The following ELSPBP1 variants were observed in gnomAD, a reference collection of about 807,000 sequenced individuals.
The protein encoded by ELSPBP1 is epididymal sperm binding protein 1.
ELSPBP1 carries 38 observed loss-of-function variants against 33.3 expected under a neutral mutation model. The observed-to-expected ratio is 1.14, with a 90% confidence interval of 0.88 to 1.50. The LOEUF is 1.50. ELSPBP1 is among the 40% of genes most tolerant of loss of function. The pLI, the probability that ELSPBP1 is intolerant of heterozygous loss-of-function variation, is 0.00. For synonymous variants in ELSPBP1, 85 were observed against 94.1 expected (o/e 0.90, Z 0.56); for missense variants, 267 against 263.5 (o/e 1.01, Z -0.09).
At position 48,022,181 on chromosome 19, in the gene ELSPBP1, T is replaced by A. The variant is rs1967208133; in HGVS notation, c.526T>A (p.Leu176Met). 1 of 1,612,166 alleles carries A rather than the reference T, an allele frequency of 6.2e-7. No homozygotes were observed. Among genetic ancestry groups the A allele is most frequent in the Non-Finnish European group, 8.5e-7 (1 of 1,179,224 alleles). The change falls in exon 6 of 7, where the codon TTG becomes ATG. Residue 176 changes from leucine to methionine, a missense_variant. Physicochemically the swap from Leu to Met is conservative, Grantham distance 15 (BLOSUM62 2). Transcript: ENST00000339841. ...CTTCTGCTTCCTAGGAATTTCCGCG[T>A]TGGTCCCTGGCTTTCCTTGTCACTT... The part of the protein sequence containing the change: ...SFCADTRISA[L>M]VPGFPCHFPF...
intron 2 of ELSPBP1, among the ~76,000 whole-genome samples, chr19:48,013,515 G>A (rs1407504607): frequency 6.6e-6 from 1 of 152,096 alleles, no homozygotes; most frequent in Admixed American, 6.6e-5. Flanking sequence ...TTAGGAGTTT[G>A]AGACCAGCCT....
chr19:48,006,057 C>A (rs141520997), intron 1 of ELSPBP1, among the ~76,000 whole-genome samples: 1 of 152,046 alleles, frequency 6.6e-6, no homozygotes, highest in African/African-American at 2.4e-5. Context: ...ACCTCCTGGG[C>A]TCCAGTGATC....
At chr19:47,997,752 A>G (rs1966924935) in intron 1 of ELSPBP1, among the ~76,000 whole-genome samples, 1 of 152,190 alleles carries the variant, frequency 6.6e-6, no homozygotes, top group Non-Finnish European at 1.5e-5. Context: ...TGATCAAATC[A>G]GGGTATTTAG....
At position 48,014,308 on chromosome 19, in the gene ELSPBP1, G is replaced by C. The variant is rs188923874; in HGVS notation, c.208G>C (p.Asp70His). The C allele has an allele frequency of 1.2e-6, 2 of 1,613,404 alleles. No homozygotes were observed. Among genetic ancestry groups the C allele is most frequent in the East Asian group, 4.5e-5 (2 of 44,884 alleles). ...NGQWKYCQSE[D>H]YPRCIFPFIY... is the part of the protein sequence containing the mutation. ...CCAGTGGAAGTACTGCCAGAGTGAA[G>C]GTGAGTGGTATCACATTGTCCCTGC... Residue 70 changes from aspartate (D) to histidine (H), a missense_variant and splice_region_variant, in exon 3 of 7, where the codon GAT becomes CAT. Transcript: ENST00000339841.
chr19:48,020,084 A>G (rs1357472271), intron 5 of ELSPBP1, among the ~76,000 whole-genome samples: 11 of 152,334 alleles, frequency 7.2e-5, no homozygotes, highest in African/African-American at 2.4e-4. Context: ...AAAGGTGCCA[A>G]AATGAAATGC....
At chr19:48,003,475 A>G (rs897150214) in intron 1 of ELSPBP1, among the ~76,000 whole-genome samples, 2 of 151,672 alleles carry the variant, frequency 1.3e-5, no homozygotes, top group Admixed American at 6.6e-5. Flanking sequence ...AAGGCACAGT[A>G]TGGACTAGGG....
At position 48,011,536 on chromosome 19, in the gene ELSPBP1, A is replaced by T. The variant is rs1164061977; in HGVS notation, c.71-2635A>T. ...ACAATGATGATGACAATGACTGATA[A>T]TGATGACAATGATGATGATGACAAT... On this transcript the variant is annotated intron_variant, in intron 2 of 6. Transcript: ENST00000339841. The surrounding 1 kb of genome is among the most constrained non-coding windows in gnomAD (Gnocchi z 4.5). 1.3e-5 allele frequency among the ~76,000 whole-genome samples: 2 copies of T among 151,826 alleles called. No individual in the cohort carries two copies. Among genetic ancestry groups the T allele is most frequent in the Non-Finnish European group, 2.9e-5 (2 of 67,992 alleles).
At chr19:48,018,824 G>A (rs1967168250) in intron 4 of ELSPBP1, among the ~76,000 whole-genome samples, 1 of 152,110 alleles carries the variant, frequency 6.6e-6, no homozygotes, top group African/African-American at 2.4e-5. Flanking sequence ...AATTAGGCAA[G>A]ACTGAGTTTA....
rs1464985415 is a variant in ELSPBP1 at position 48,021,273 on chromosome 19, G to A, written c.515-897G>A. Among the ~76,000 whole-genome samples, 10 of 152,252 alleles carry A rather than the reference G, an allele frequency of 6.6e-5. No individual in the cohort carries two copies. The South Asian group carries it at 1.7e-3, about 25-fold the overall frequency. ...ATGTTCTCAGCCAAGGGGGAACAAG[G>A]GGGTGCTCTTTCGGCTCATTTCAGC... On this transcript the variant is annotated intron_variant, in intron 5 of 6. Transcript: ENST00000339841.
chr19:48,020,877 G>A (rs766627006), intron 5 of ELSPBP1, among the ~76,000 whole-genome samples: 48 of 152,188 alleles, frequency 3.2e-4, no homozygotes, highest in Non-Finnish European at 6.2e-4. Context: ...ATATTTCTGC[G>A]CCACTCCGGG....
chr19:48,007,922 G>A (rs1373816203), intron 1 of ELSPBP1, among the ~76,000 whole-genome samples: 3 of 152,162 alleles, frequency 2.0e-5, no homozygotes, highest in African/African-American at 7.2e-5. Context: ...CATCGAGCCT[G>A]GAGTACAGTA....
rs749027820 is a variant in ELSPBP1, at chr19:48,016,018, T to A, written c.334T>A (p.Trp112Arg). 1 of 1,613,600 alleles carries A rather than the reference T, an allele frequency of 6.2e-7. No homozygotes were observed. The highest frequency in any genetic ancestry group is 8.5e-7 in the Non-Finnish European group (1 of 1,179,918). Residue 112 changes from tryptophan to arginine, a missense_variant, in exon 4 of 7, where the codon TGG becomes AGG. By Grantham distance (101) the Trp-to-Arg change is moderately radical. Transcript: ENST00000339841. ...CTCTGTCTTCGATGAGAAACAGCAGTGGAAATTCTGTGAAACGAATGGTGA... is the reference window on the plus strand; with the variant it reads ...CTCTGTCTTCGATGAGAAACAGCAGAGGAAATTCTGTGAAACGAATGGTGA... ...VTSVFDEKQQ[W>R]KFCETNEYGG...
chr19:48,009,466 G>T (rs1429108198), intron 2 of ELSPBP1, among the ~76,000 whole-genome samples: 1 of 152,102 alleles, frequency 6.6e-6, no homozygotes, highest in Non-Finnish European at 1.5e-5. Flanking sequence ...AGACTGTAAG[G>T]TAAGCATGGA....
In ELSPBP1 at chr19:48,022,177, C is replaced by T. The variant is rs779023687; in HGVS notation, c.522C>T (p.Ser174=). The change falls in exon 6 of 7, where the codon TCC becomes TCT. Residue 174 remains serine (S), a synonymous_variant. Coordinates refer to ENST00000339841, the MANE Select transcript of ELSPBP1 (RefSeq NM_022142.5). ...KWSFCADTRI[S]ALVPGFPCHF... ...TCCCCTTCTGCTTCCTAGGAATTTC[C>T]GCGTTGGTCCCTGGCTTTCCTTGTC... is the stretch of plus-strand genomic sequence containing the variant. 9 of 1,611,110 alleles carry T rather than the reference C, an allele frequency of 5.6e-6. No individual in the cohort carries two copies. Among genetic ancestry groups the T allele is most frequent in the Middle Eastern group, 3.3e-4 (2 of 6,070 alleles).
At chr19:48,020,015 G>A in intron 5 of ELSPBP1, 138 bp downstream of exon 5, 4 of 886,924 alleles carry the variant, frequency 4.5e-6, no homozygotes, top group Non-Finnish European at 5.0e-6. Flanking sequence ...GGCAGACAGA[G>A]TTCTGGCTCA....
chr19:48,023,393 G>GAGGAAAGA lies in ELSPBP1; in HGVS notation c.*7+1062_*7+1063insAAAGAAGG, dbSNP rs143812390. On this transcript the variant is annotated intron_variant, in intron 6 of 6. Transcript: ENST00000339841. Reference sequence around the variant, plus strand: ...GGAAGAGAGGAAAGGAGGGAGGAGGGAGGGAGGAAGTGAGGGAGGAGGGAG... The same window carrying GAGGAAAGA: ...GGAAGAGAGGAAAGGAGGGAGGAGGGAGGAAAGAAGGGAGGAAGTGAGGGAGGAGGGAG... Among the ~76,000 whole-genome samples the GAGGAAAGA allele has an allele frequency of 3.4e-4, 34 of 101,210 alleles. 1 individual carries two copies. The East Asian group carries it at 0.011, about 34-fold the overall frequency. 66.4% of individuals were successfully genotyped at this position (101,210 alleles called of 152,430 possible). A position where few individuals can be genotyped will look rare whatever the true frequency, so the allele number is the denominator to read the frequency against.
At chr19:47,996,814 A>G (rs568020894) in intron 1 of ELSPBP1, among the ~76,000 whole-genome samples, 1 of 152,324 alleles carries the variant, frequency 6.6e-6, no homozygotes, top group South Asian at 2.1e-4. Context: ...AAAGTAAAAG[A>G]AGAGAATTAG....
rs1600100947 is a variant in ELSPBP1, at chr19:48,001,346, A to T, written c.-18+6535A>T. On this transcript the variant is annotated intron_variant, in intron 1 of 6. Coordinates refer to ENST00000339841, the MANE Select transcript of ELSPBP1 (RefSeq NM_022142.5). ...GCTGGGATTACACCACACCCAGCTA[A>T]TTTTTTTTTTTTTTGTAGTAGAGAC... 2.8e-5 allele frequency among the ~76,000 whole-genome samples: 4 copies of T among 144,744 alleles called. No homozygotes were observed. The Admixed American group carries it at 2.8e-4, about 10-fold the overall frequency. The allele number at this position is 144,744 out of a possible 152,430, so 95.0% of individuals were successfully genotyped here. A position where few individuals can be genotyped will look rare whatever the true frequency, so the allele number is the denominator to read the frequency against.
intron 4 of ELSPBP1, among the ~76,000 whole-genome samples, chr19:48,017,259 C>T (rs548134961): frequency 1.9e-4 from 29 of 152,198 alleles, no homozygotes; most frequent in African/African-American, 5.8e-4. Context: ...CTTACTCTTG[C>T]GTAAAAATCT....
Sources: allele counts gnomAD v4.1 joint callset (sites outside exome capture counted in the v4.1 genomes callset), GRCh38; gene constraint gnomAD v4.1.1; non-coding constraint Gnocchi (gnomAD v3.1); transcripts MANE v1.5; gene names NCBI Gene and HGNC (gene_info 2026-07-23, HGNC 2026-07-21).